The following SPATS2L variants were observed in gnomAD, a reference collection of about 807,000 sequenced individuals.
SPATS2L encodes the protein spermatogenesis associated serine rich 2 like.
In SPATS2L, 30 loss-of-function variants were observed where a neutral mutation model predicts 59.6. The ratio of observed to expected loss-of-function variants is 0.50; its 90% confidence interval spans 0.38 to 0.68. The LOEUF (loss-of-function observed/expected upper bound fraction) is 0.68. Among genes scored for constraint, SPATS2L ranks in the 30% least tolerant of loss-of-function variants. SPATS2L has a pLI of 0.00. For missense variants in SPATS2L, 615 were observed against 700.0 expected, an observed-to-expected ratio of 0.88 and a Z score of 1.37; for synonymous variants, 252 against 263.5, an observed-to-expected ratio of 0.96 and a Z score of 0.42.
In SPATS2L at chr2:200,467,403, A is replaced by G; in HGVS notation, c.957+4A>G. Reference sequence around the variant, plus strand: ...CGAACTCAGGGCAGAAATTAAGGTCAGTTCTAAAATATCACAGCCTGAACC... The same window carrying G: ...CGAACTCAGGGCAGAAATTAAGGTCGGTTCTAAAATATCACAGCCTGAACC... On this transcript the variant is annotated splice_donor_region_variant and intron_variant, in intron 10 of 12. Coordinates refer to ENST00000409140, the MANE Select transcript of SPATS2L (RefSeq NM_001100423.2). The G allele has an allele frequency of 1.2e-6, 2 of 1,605,806 alleles. No homozygotes were observed. Among genetic ancestry groups the G allele is most frequent in the Non-Finnish European group, 1.7e-6 (2 of 1,172,400 alleles).
intron 3 of SPATS2L, 95 bp from the exon 4 acceptor site, chr2:200,412,212 CCTTT>C (rs2082898958): frequency 1.5e-6 from 1 of 675,924 alleles, no homozygotes; most frequent in Non-Finnish European, 2.3e-6. Context: ...CTTTTCAAGG[CCTTT>C]CTAATAGTTG....
chr2:200,443,127 A>G (rs2084806989), intron 8 of SPATS2L, among the ~76,000 whole-genome samples: 1 of 152,230 alleles, frequency 6.6e-6, no homozygotes, highest in Non-Finnish European at 1.5e-5. Context: ...TTTAAAATCA[A>G]CTATGCATGC....
chr2:200,314,186 C>T (rs2079284740), intron 1 of SPATS2L, among the ~76,000 whole-genome samples: 1 of 152,232 alleles, frequency 6.6e-6, no homozygotes, highest in South Asian at 2.1e-4. Flanking sequence ...ACTTCCCCAA[C>T]TTCAATCCAG....
intron 6 of SPATS2L, among the ~76,000 whole-genome samples, chr2:200,435,349 A>G (rs1006199660): frequency 6.6e-6 from 1 of 152,220 alleles, no homozygotes; most frequent in African/African-American, 2.4e-5. Flanking sequence ...CCATTTTTAG[A>G]TACATGGACA....
At position 200,480,671 on chromosome 2, in the gene SPATS2L, G is replaced by T; in HGVS notation, c.*2640G>T. The T allele has an allele frequency of 6.6e-6, 1 of 152,342 alleles. No homozygotes were observed. Among genetic ancestry groups the T allele is most frequent in the South Asian group, 2.0e-4 (1 of 4,884 alleles). 9.4% of individuals were successfully genotyped at this position (152,342 alleles called of 1,614,324 possible). A position where few individuals can be genotyped will look rare whatever the true frequency, so the allele number is the denominator to read the frequency against. On this transcript the variant is annotated 3_prime_UTR_variant, in exon 13 of 13. Coordinates refer to ENST00000409140, the MANE Select transcript of SPATS2L (RefSeq NM_001100423.2). The stretch of plus-strand genomic sequence containing the variant: ...CAGGCATGAGCCACCTCGCCTGGCT[G>T]GTTTTTGCCTTTCTTATAGACCCTG...
chr2:200,325,452 C>T lies in SPATS2L; in HGVS notation c.-72-3979C>T, dbSNP rs373502345. Among the ~76,000 whole-genome samples the T allele has an allele frequency of 2.5e-4, 38 of 152,298 alleles. No individual in the cohort carries two copies. The South Asian group carries it at 7.2e-3, about 29-fold the overall frequency. The stretch of plus-strand genomic sequence containing the variant: ...GGAGTGCAGTGGTGCCATCTTGGCT[C>T]ACTGCAACCTCTGCCTCCCGGGTTC... On this transcript the variant is annotated intron_variant, in intron 1 of 12. Coordinates refer to ENST00000409140, the MANE Select transcript of SPATS2L (RefSeq NM_001100423.2).
At chr2:200,472,582 A>C (rs974607212) in intron 11 of SPATS2L, among the ~76,000 whole-genome samples, 1 of 152,188 alleles carries the variant, frequency 6.6e-6, no homozygotes, top group Non-Finnish European at 1.5e-5. Context: ...GATATGTCTT[A>C]TTTCCTACAA....
intron 2 of SPATS2L, among the ~76,000 whole-genome samples, chr2:200,374,968 A>T (rs1363086667): frequency 1.3e-5 from 2 of 152,234 alleles, no homozygotes; most frequent in African/African-American, 4.8e-5. Flanking sequence ...AGATTAAACT[A>T]TGTATTGCTA....
chr2:200,413,687 T>G (rs2082963249), intron 4 of SPATS2L, among the ~76,000 whole-genome samples: 1 of 152,218 alleles, frequency 6.6e-6, no homozygotes, highest in South Asian at 2.1e-4. Context: ...AGAATAACCT[T>G]CTTGAGTTTC....
At chr2:200,364,228 G>T (rs756268630) in intron 2 of SPATS2L, among the ~76,000 whole-genome samples, 9 of 152,146 alleles carry the variant, frequency 5.9e-5, no homozygotes, top group Non-Finnish European at 1.2e-4. Context: ...GTAAGGTAAT[G>T]AATTTTTATT....
At chr2:200,312,578 A>G (rs1381845111) in intron 1 of SPATS2L, among the ~76,000 whole-genome samples, 2 of 151,912 alleles carry the variant, frequency 1.3e-5, no homozygotes, top group Non-Finnish European at 1.5e-5. Context: ...TTATTTAATT[A>G]TATACATTCT....
At chr2:200,358,284 A>T (rs2080982502) in intron 2 of SPATS2L, among the ~76,000 whole-genome samples, 1 of 152,228 alleles carries the variant, frequency 6.6e-6, no homozygotes, top group Non-Finnish European at 1.5e-5. Flanking sequence ...AACTGTACAA[A>T]TGCAGGCACA....
chr2:200,307,367 A>G (rs1439788020), intron 1 of SPATS2L, among the ~76,000 whole-genome samples: 1 of 151,682 alleles, frequency 6.6e-6, no homozygotes, highest in African/African-American at 2.4e-5. Context: ...TCTGGCCCGG[A>G]GCCGCAAAGC....
At chr2:200,371,818 T>C (rs1278012220) in intron 2 of SPATS2L, among the ~76,000 whole-genome samples, 1 of 152,176 alleles carries the variant, frequency 6.6e-6, no homozygotes, top group Non-Finnish European at 1.5e-5. Context: ...GAGATGCTTC[T>C]CATGAAGGTT....
chr2:200,458,948 T>C (rs549770260), intron 8 of SPATS2L, among the ~76,000 whole-genome samples: 68 of 152,298 alleles, frequency 4.5e-4, no homozygotes, highest in Non-Finnish European at 7.1e-4. Flanking sequence ...CTGGGGATTT[T>C]CCCCAGGCTC....
chr2:200,469,662 G>C (rs2086877601), intron 10 of SPATS2L: 7 of 432,134 alleles, frequency 1.6e-5, no homozygotes, highest in Non-Finnish European at 2.9e-5. Flanking sequence ...AGATGAGTCA[G>C]ACACACATTT....
chr2:200,309,972 A>G (rs867966004), intron 1 of SPATS2L, among the ~76,000 whole-genome samples: 10 of 152,162 alleles, frequency 6.6e-5, no homozygotes, highest in Admixed American at 2.0e-4. Flanking sequence ...ATGAAGATAT[A>G]TTTCTCTCTA....
At chr2:200,413,459 A>C (rs1049352284) in intron 4 of SPATS2L, among the ~76,000 whole-genome samples, 1 of 152,210 alleles carries the variant, frequency 6.6e-6, no homozygotes, top group Non-Finnish European at 1.5e-5. Context: ...ATCCTCTTCT[A>C]ATCAAATTAA....
intron 2 of SPATS2L, among the ~76,000 whole-genome samples, chr2:200,358,321 A>G (rs1229512190): frequency 1.3e-5 from 2 of 152,220 alleles, no homozygotes; most frequent in African/African-American, 2.4e-5. Flanking sequence ...CAGAATTAGC[A>G]CTAGTTGATG....
Sources: allele counts gnomAD v4.1 joint callset (sites outside exome capture counted in the v4.1 genomes callset), GRCh38; gene constraint gnomAD v4.1.1; transcripts MANE v1.5; gene names NCBI Gene and HGNC (gene_info 2026-07-23, HGNC 2026-07-21).